PCK1: variants seen among roughly 807,000 people sequenced by gnomAD.
PCK1 encodes phosphoenolpyruvate carboxykinase 1, also known as phosphoenolpyruvate carboxykinase, cytosolic [GTP].
PCK1 carries 44 observed loss-of-function variants against 50.3 expected under a neutral mutation model. The observed-to-expected ratio is 0.87, with a 90% CI of 0.69 to 1.12. The LOEUF (loss-of-function observed/expected upper bound fraction) is 1.12. Among genes scored for constraint, PCK1 ranks in the 50% most tolerant of loss-of-function variants. The probability of loss-of-function intolerance (pLI) is 0.00; values close to 1 mark genes in which losing one functional copy is unlikely to be tolerated. For synonymous variants in PCK1, 332 were observed against 314.3 expected, an observed-to-expected ratio of 1.06 and a Z score of -0.59; for missense variants, 790 against 815.0, an observed-to-expected ratio of 0.97 and a Z score of 0.37.
In PCK1 at chr20:57,564,314, C is replaced by T; in HGVS notation, c.1107C>T (p.Tyr369=). Residue 369 remains tyrosine, a synonymous_variant, in exon 7 of 10, where the codon TAC becomes TAT. Coordinates refer to ENST00000319441, the MANE Select transcript of PCK1 (RefSeq NM_002591.4). ...CCGAGACCAGCGACGGGGGCGTTTA[C>T]TGGGAAGGCATTGATGAGCCGCTAG... ...NVAETSDGGV[Y]WEGIDEPLAS... is the part of the protein sequence containing the mutation. 6.2e-7 allele frequency: 1 copy of T among 1,614,128 alleles called. No homozygotes were observed. The highest frequency in any genetic ancestry group is 8.5e-7 in the Non-Finnish European group (1 of 1,180,016).
rs150001707 is a variant in PCK1 at position 57,565,076 on chromosome 20, A to C, written c.1355A>C (p.His452Pro). Residue 452 changes from histidine to proline, a missense_variant, in exon 9 of 10, where the codon CAT becomes CCT. Physicochemically the swap from His to Pro is moderately conservative, Grantham distance 77. Transcript: ENST00000319441. The stretch of plus-strand genomic sequence containing the variant: ...GTCTATGAAGCTCTCAGCTGGCAAC[A>C]TGGAGTCTTTGTGGGGGCGGCCATG... ...PLVYEALSWQHGVFVGAAMRS... is the reference protein window; with the variant it reads ...PLVYEALSWQPGVFVGAAMRS... The C allele has an allele frequency of 5.0e-6, 8 of 1,613,860 alleles. No individual in the cohort carries two copies. Among genetic ancestry groups the C allele is most frequent in the Non-Finnish European group, 5.9e-6 (7 of 1,179,944 alleles).
chr20:57,561,348 G>A, intron 1 of PCK1, 24 bp from the exon 2 acceptor site: 1 of 1,059,750 alleles, frequency 9.4e-7, no homozygotes, highest in South Asian at 1.4e-5. Context: ...TTTTTGTTCA[G>A]GACGCTTGCG....
Position 57,564,910 on chromosome 20 carries a change from A to G in PCK1, c.1319-130A>G, listed in dbSNP as rs1486121982. ...AGTTTTCTGCAATTTAGCTTGGTGA[A>G]CGCAAAACTAGCTCGATTACAAAGT... On this transcript the variant is annotated intron_variant, in intron 8 of 9. Coordinates refer to ENST00000319441, the MANE Select transcript of PCK1 (RefSeq NM_002591.4). 9.4e-6 allele frequency: 7 copies of G among 746,988 alleles called. No homozygotes were observed. In the Admixed American group the frequency reaches 1.5e-4, roughly 16 times the overall value. The allele number at this position is 746,988 out of a possible 1,614,324, so 46.3% of individuals were successfully genotyped here. A position where few individuals can be genotyped will look rare whatever the true frequency, so the allele number is the denominator to read the frequency against.
At chr20:57,562,649 A>G in intron 3 of PCK1, 47 bp from the exon 4 acceptor site, 2 of 1,523,992 alleles carry the variant, frequency 1.3e-6, no homozygotes, top group Non-Finnish European at 1.8e-6. Flanking sequence ...GTCGTGTTCG[A>G]AGTCCAAGGT....
chr20:57,563,841 C>A, intron 6 of PCK1, 114 bp downstream of exon 6: 2 of 849,786 alleles, frequency 2.4e-6, no homozygotes, highest in Non-Finnish European at 3.8e-6. Flanking sequence ...CTCTGTTAGT[C>A]CAGAGTTGGC....
rs746384406 is a variant in PCK1, at chr20:57,563,703, G to T, written c.937G>T (p.Ala313Ser). ...GGTTGAGTGCGTCGGGGATGACATTGCCTGGATGAAGTTTGACGCACAAGG... is the reference window on the plus strand; with the variant it reads ...GGTTGAGTGCGTCGGGGATGACATTTCCTGGATGAAGTTTGACGCACAAGG... ...WKVECVGDDI[A>S]WMKFDAQGHL... is the part of the protein sequence containing the mutation. The change falls in exon 6 of 10, where the codon GCC (alanine) becomes TCC (serine). Residue 313 changes from alanine (A) to serine (S), a missense_variant. Ala to Ser is a moderately conservative substitution (Grantham distance 99). Coordinates refer to ENST00000319441, the MANE Select transcript of PCK1 (RefSeq NM_002591.4). The T allele has an allele frequency of 6.2e-6, 10 of 1,611,962 alleles. No individual in the cohort carries two copies. The highest frequency in any genetic ancestry group is 8.5e-6 in the Non-Finnish European group (10 of 1,179,106).
At chr20:57,562,545 T>A in intron 3 of PCK1, 151 bp from the exon 4 acceptor site, 1 of 664,354 alleles carries the variant, frequency 1.5e-6, no homozygotes, top group Non-Finnish European at 2.6e-6. Context: ...CACTTTCCAG[T>A]GGCCTCTTCT....
chr20:57,563,669 C>A lies in PCK1; in HGVS notation c.903C>A (p.Pro301=). The change falls in exon 6 of 10, where the codon CCC becomes CCA. Residue 301 remains proline, a synonymous_variant. Coordinates refer to ENST00000319441, the MANE Select transcript of PCK1 (RefSeq NM_002591.4). ...TGGCCATGATGAACCCCAGCCTCCCCGGGTGGAAGGTTGAGTGCGTCGGGG... is the reference window on the plus strand; with the variant it reads ...TGGCCATGATGAACCCCAGCCTCCCAGGGTGGAAGGTTGAGTGCGTCGGGG... The part of the protein sequence containing the change: ...TNLAMMNPSL[P]GWKVECVGDD... 6.2e-7 allele frequency: 1 copy of A among 1,613,652 alleles called. No individual in the cohort carries two copies. The highest frequency in any genetic ancestry group is 1.1e-5 in the South Asian group (1 of 91,044).
In PCK1 at chr20:57,565,360, C is replaced by CA. The variant is rs1459492543; in HGVS notation, c.1426dup (p.Met476AsnfsTer3). The CA allele has an allele frequency of 7.4e-6, 12 of 1,613,450 alleles. No homozygotes were observed. The highest frequency in any genetic ancestry group is 1.0e-5 in the Non-Finnish European group (12 of 1,179,364). On this transcript the variant is annotated frameshift_variant, in exon 10 of 10. Transcript: ENST00000319441. LOFTEE classifies it high-confidence loss of function. Reference sequence around the variant, plus strand: ...CTCTCTGTTTAACAGGCAAAATCATCATGCATGACCCCTTTGCCATGCGGC... The same window carrying CA: ...CTCTCTGTTTAACAGGCAAAATCATCAATGCATGACCCCTTTGCCATGCGGC...
Position 57,562,156 on chromosome 20 carries a change from C to A in PCK1, c.310C>A (p.Pro104Thr). The part of the protein sequence containing the change: ...IVTQEQRDTV[P>T]IPKTGLSQLG... ...CACCCAAGAGCAAAGAGACACAGTGCCCATCCCCAAAACAGGCCTCAGCCA... is the reference window on the plus strand; with the variant it reads ...CACCCAAGAGCAAAGAGACACAGTGACCATCCCCAAAACAGGCCTCAGCCA... Residue 104 changes from proline (P) to threonine (T), a missense_variant, in exon 3 of 10, where the codon CCC becomes ACC. Transcript: ENST00000319441. 1 of 1,613,928 alleles carries A rather than the reference C, an allele frequency of 6.2e-7. No individual in the cohort carries two copies. The highest frequency in any genetic ancestry group is 8.5e-7 in the Non-Finnish European group (1 of 1,179,786).
rs749159373 is a variant in PCK1, at chr20:57,563,028, A to G, written c.611A>G (p.Lys204Arg). The change falls in exon 5 of 10, where the codon AAG becomes AGG. Residue 204 changes from lysine (K) to arginine (R), a missense_variant and splice_region_variant. Physicochemically the swap from Lys to Arg is conservative, Grantham distance 26 (BLOSUM62 2). Coordinates refer to ENST00000319441, the MANE Select transcript of PCK1 (RefSeq NM_002591.4). ...HSVGCPLPLQ[K>R]PLVNNWPCNP... ...ACTTGGGAGGGGTCCTTGTTCACAG[A>G]GCCTTTGGTCAACAACTGGCCCTGC... is the stretch of plus-strand genomic sequence containing the variant. The G allele has an allele frequency of 8.1e-6, 13 of 1,612,248 alleles. No individual in the cohort carries two copies. The highest frequency in any genetic ancestry group is 1.1e-5 in the Non-Finnish European group (13 of 1,178,792).
At position 57,565,813 on chromosome 20, in the gene PCK1, T is replaced by C. The variant is rs2146531594; in HGVS notation, c.*9T>C. ...GAATAAGCCAGATGTAATCAGGGCC[T>C]GAGTGCTTTACCTTTAAAATCATTC... On this transcript the variant is annotated 3_prime_UTR_variant, in exon 10 of 10. Coordinates refer to ENST00000319441, the MANE Select transcript of PCK1 (RefSeq NM_002591.4). 6.3e-7 allele frequency: 1 copy of C among 1,583,646 alleles called. No homozygotes were observed. Among genetic ancestry groups the C allele is most frequent in the Non-Finnish European group, 8.6e-7 (1 of 1,162,544 alleles).
chr20:57,563,253 C>T lies in PCK1; in HGVS notation c.798+38C>T, dbSNP rs767696534. 5.7e-6 allele frequency: 9 copies of T among 1,582,502 alleles called. No individual in the cohort carries two copies. In the African/African-American group the frequency reaches 8.1e-5, roughly 14 times the overall value. The stretch of plus-strand genomic sequence containing the variant: ...GAAGCCCTGATGTGCAGATGAGAGG[C>T]CTGGGGGGTGGCAGAAACAAACAGC... On this transcript the variant is annotated intron_variant, in intron 5 of 9. Transcript: ENST00000319441.
chr20:57,563,256 G>C, intron 5 of PCK1, 41 bp downstream of exon 5: 3 of 1,572,174 alleles, frequency 1.9e-6, no homozygotes, highest in Middle Eastern at 1.7e-4. Context: ...TGAGAGGCCT[G>C]GGGGGTGGCA....
At chr20:57,564,921 G>C in intron 8 of PCK1, 119 bp from the exon 9 acceptor site, 1 of 794,782 alleles carries the variant, frequency 1.3e-6, no homozygotes, top group Non-Finnish European at 2.1e-6. Flanking sequence ...CGCAAAACTA[G>C]CTCGATTACA....
Position 57,565,095 on chromosome 20 carries a change from G to T in PCK1, c.1374G>T (p.Ala458=), listed in dbSNP as rs373263968. The change falls in exon 9 of 10, where the codon GCG becomes GCT. Residue 458 remains alanine (A), a synonymous_variant. Coordinates refer to ENST00000319441, the MANE Select transcript of PCK1 (RefSeq NM_002591.4). The part of the protein sequence containing the change: ...LSWQHGVFVG[A]AMRSEATAAA... ...GGCAACATGGAGTCTTTGTGGGGGC[G>T]GCCATGAGATCAGAGGCCACAGCGG... is the stretch of plus-strand genomic sequence containing the variant. The T allele has an allele frequency of 6.2e-6, 10 of 1,613,954 alleles. No homozygotes were observed. The African/African-American group carries it at 9.3e-5, about 15-fold the overall frequency.
Position 57,565,084 on chromosome 20 carries a change from T to G in PCK1, c.1363T>G (p.Phe455Val). 1 of 1,614,014 alleles carries G rather than the reference T, an allele frequency of 6.2e-7. No individual in the cohort carries two copies. Among genetic ancestry groups the G allele is most frequent in the Non-Finnish European group, 8.5e-7 (1 of 1,179,976 alleles). ...YEALSWQHGV[F>V]VGAAMRSEAT... ...AGCTCTCAGCTGGCAACATGGAGTC[T>G]TTGTGGGGGCGGCCATGAGATCAGA... Residue 455 changes from phenylalanine (F) to valine (V), a missense_variant, in exon 9 of 10, where the codon TTT becomes GTT. By Grantham distance (50) the Phe-to-Val change is conservative. Transcript: ENST00000319441.
chr20:57,565,474 T>TGTCA lies in PCK1; in HGVS notation c.1540_1543dup (p.Asn515SerfsTer94). ...CAGCCAAACTGCCCAAGATCTTCCA[T>TGTCA]GTCAACTGGTTCCGGAAGGACAAGG... On this transcript the variant is annotated frameshift_variant, in exon 10 of 10. Coordinates refer to ENST00000319441, the MANE Select transcript of PCK1 (RefSeq NM_002591.4). LOFTEE classifies it low-confidence loss of function (END_TRUNC). The TGTCA allele has an allele frequency of 6.2e-7, 1 of 1,614,178 alleles. No individual in the cohort carries two copies. The highest frequency in any genetic ancestry group is 8.5e-7 in the Non-Finnish European group (1 of 1,180,018).
Position 57,562,227 on chromosome 20 carries a change from T to C in PCK1, c.381T>C (p.Asn127=), listed in dbSNP as rs1416534281. The change falls in exon 3 of 10, where the codon AAT becomes AAC. Residue 127 remains asparagine, a synonymous_variant. Coordinates refer to ENST00000319441, the MANE Select transcript of PCK1 (RefSeq NM_002591.4). ...AGGAGGATTTTGAGAAAGCGTTCAA[T>C]GCCAGGTTCCCAGGGTGCATGAAAG... The part of the protein sequence containing the change: ...MSEEDFEKAF[N]ARFPGCMKGR... The C allele has an allele frequency of 6.2e-7, 1 of 1,614,162 alleles. No individual in the cohort carries two copies.
Sources: allele counts gnomAD v4.1 joint callset, GRCh38; gene constraint gnomAD v4.1.1; transcripts MANE v1.5; gene names NCBI Gene and HGNC (gene_info 2026-07-23, HGNC 2026-07-21).